The following TEAD4 variants were observed in gnomAD, a reference collection of about 807,000 sequenced individuals.
TEAD4 encodes transcriptional enhancer factor TEF-3.
In TEAD4, 36 loss-of-function variants were observed where a neutral mutation model predicts 52.4. That is an observed-to-expected ratio of 0.69 (90% CI 0.53 to 0.91). The LOEUF (loss-of-function observed/expected upper bound fraction) is 0.91, where lower values mean the gene tolerates loss of function less well. Among genes scored for constraint, TEAD4 ranks in the 40% least tolerant of loss-of-function variants. The pLI, the probability that TEAD4 is intolerant of heterozygous loss-of-function variation, is 0.00. For missense variants in TEAD4, 508 were observed against 583.9 expected (o/e 0.87, Z 1.34); for synonymous variants, 220 against 231.0 (o/e 0.95, Z 0.43).
At chr12:3,013,863 T>C (rs573968881) in intron 5 of TEAD4, among the ~76,000 whole-genome samples, 2 of 152,280 alleles carry the variant, frequency 1.3e-5, no homozygotes, top group South Asian at 4.2e-4. Context: ...CTGGGCAACA[T>C]TGTGAGACCC....
At chr12:3,035,087 C>G (rs1265568053) in intron 10 of TEAD4, among the ~76,000 whole-genome samples, 1 of 149,704 alleles carries the variant, frequency 6.7e-6, no homozygotes, top group East Asian at 2.0e-4. Context: ...GGCGACAGAG[C>G]GAGATTCCGT....
intron 2 of TEAD4, among the ~76,000 whole-genome samples, chr12:2,964,865 G>C (rs1157006997): frequency 6.6e-6 from 1 of 152,034 alleles, no homozygotes; most frequent in Non-Finnish European, 1.5e-5. Flanking sequence ...TCTTTGTAAG[G>C]GTCGACCAGA....
chr12:3,034,214 G>A (rs549962973), intron 10 of TEAD4, among the ~76,000 whole-genome samples: 1 of 152,236 alleles, frequency 6.6e-6, no homozygotes, highest in Non-Finnish European at 1.5e-5. Context: ...GCCAGGGAGT[G>A]GGAGCTGATG....
At chr12:2,986,443 G>A (rs1397883913) in intron 2 of TEAD4, among the ~76,000 whole-genome samples, 4 of 151,962 alleles carry the variant, frequency 2.6e-5, no homozygotes, top group African/African-American at 9.7e-5. Context: ...TTCGAGACCA[G>A]CCTGGCCAAC....
chr12:3,026,645 G>A lies in TEAD4; in HGVS notation c.897+4628G>A, dbSNP rs1335946173. ...GGAACCCGGGAAAGGTACTTTTTTAGTTGGGTAAGTTGCTGTTCTGAATAA... is the reference window on the plus strand; with the variant it reads ...GGAACCCGGGAAAGGTACTTTTTTAATTGGGTAAGTTGCTGTTCTGAATAA... On this transcript the variant is annotated intron_variant, in intron 10 of 12. Coordinates refer to ENST00000359864, the MANE Select transcript of TEAD4 (RefSeq NM_003213.4). Among the ~76,000 whole-genome samples the A allele has an allele frequency of 2.0e-5, 3 of 152,332 alleles. No homozygotes were observed. In the East Asian group the frequency reaches 5.8e-4, roughly 29 times the overall value.
At chr12:3,007,148 A>T (rs1470076971) in intron 3 of TEAD4, among the ~76,000 whole-genome samples, 1 of 152,132 alleles carries the variant, frequency 6.6e-6, no homozygotes, top group African/African-American at 2.4e-5. Flanking sequence ...GAGCCCTGGA[A>T]CCTTGTGGCA....
chr12:2,963,399 G>A (rs1216171900), intron 2 of TEAD4, among the ~76,000 whole-genome samples: 4 of 152,192 alleles, frequency 2.6e-5, no homozygotes, highest in Admixed American at 2.0e-4. Context: ...TTGTGAGGGT[G>A]GCTTTACCTT....
intron 5 of TEAD4, 116 bp downstream of exon 5, chr12:3,012,348 G>T: frequency 8.7e-7 from 1 of 1,152,456 alleles, no homozygotes; most frequent in Non-Finnish European, 1.2e-6. Flanking sequence ...TTTTCTCTCT[G>T]TTGAGGAGAG....
intron 10 of TEAD4, among the ~76,000 whole-genome samples, chr12:3,029,228 G>A (rs2098273917): frequency 8.3e-6 from 1 of 120,622 alleles, no homozygotes; most frequent in East Asian, 2.5e-4. Context: ...TACTACGCCT[G>A]GCCAATTTTT....
At chr12:3,026,428 C>G (rs1343321205) in intron 10 of TEAD4, among the ~76,000 whole-genome samples, 2 of 152,214 alleles carry the variant, frequency 1.3e-5, no homozygotes, top group Non-Finnish European at 2.9e-5. Flanking sequence ...CCCAGTGCTC[C>G]TGACATCATG....
At chr12:2,963,160 G>C (rs1027093813) in intron 2 of TEAD4, among the ~76,000 whole-genome samples, 1 of 152,220 alleles carries the variant, frequency 6.6e-6, no homozygotes, top group South Asian at 2.1e-4. Context: ...GAGCCGGCAG[G>C]TGAAGGTTCT....
chr12:2,973,579 C>T (rs2098226992), intron 2 of TEAD4, among the ~76,000 whole-genome samples: 2 of 152,138 alleles, frequency 1.3e-5, no homozygotes, highest in Non-Finnish European at 2.9e-5. Flanking sequence ...TGGGGTACAC[C>T]TAGAGAATGA....
rs1036913084 is a variant in TEAD4, at chr12:2,994,758, A to G, written c.-9A>G. On this transcript the variant is annotated 5_prime_UTR_variant, in exon 3 of 13. Coordinates refer to ENST00000359864, the MANE Select transcript of TEAD4 (RefSeq NM_003213.4). The surrounding 1 kb of genome is among the most constrained non-coding windows in gnomAD (Gnocchi z 4.7). ...CACAGGTCCAACGAGCGCTCCTCCAAGCGGAGCCTTGGAGGGCACGGCCGG... is the reference window on the plus strand; with the variant it reads ...CACAGGTCCAACGAGCGCTCCTCCAGGCGGAGCCTTGGAGGGCACGGCCGG... 4.4e-6 allele frequency: 7 copies of G among 1,600,870 alleles called. No homozygotes were observed. The highest frequency in any genetic ancestry group is 6.0e-6 in the Non-Finnish European group (7 of 1,173,190).
chr12:2,962,965 C>G (rs1758531360), intron 2 of TEAD4, among the ~76,000 whole-genome samples: 1 of 152,214 alleles, frequency 6.6e-6, no homozygotes, highest in South Asian at 2.1e-4. Context: ...GGCGCGGAAG[C>G]TGGAGCAGAC....
At chr12:3,004,409 T>C (rs1190640398) in intron 3 of TEAD4, among the ~76,000 whole-genome samples, 1 of 152,168 alleles carries the variant, frequency 6.6e-6, no homozygotes, top group Non-Finnish European at 1.5e-5. Context: ...TTCCATTTCA[T>C]CTTCATCAGG....
At chr12:2,976,347 A>G (rs1224773678) in intron 2 of TEAD4, among the ~76,000 whole-genome samples, 1 of 42,348 alleles carries the variant, frequency 2.4e-5, no homozygotes, top group Middle Eastern at 0.022. Flanking sequence ...GAATAGTATT[A>G]CACCCTGCCC....
intron 2 of TEAD4, among the ~76,000 whole-genome samples, chr12:2,969,515 A>G (rs1049300557): frequency 7.9e-5 from 12 of 152,196 alleles, no homozygotes; most frequent in African/African-American, 2.9e-4. Context: ...TGCATGGGAA[A>G]GGACTAGGTC....
rs534097650 is a variant in TEAD4 at position 3,022,435 on chromosome 12, G to A, written c.897+418G>A. 1.4e-4 allele frequency among the ~76,000 whole-genome samples: 22 copies of A among 152,292 alleles called. No individual in the cohort carries two copies. In the South Asian group the frequency reaches 3.7e-3, roughly 26 times the overall value. On this transcript the variant is annotated intron_variant, in intron 10 of 12. Coordinates refer to ENST00000359864, the MANE Select transcript of TEAD4 (RefSeq NM_003213.4). ...GCCTGGAGCTGGTCCTTCGGTGCTC[G>A]CGTCCAAGGCATGTTGGGCTGAACA...
chr12:2,968,835 A>G (rs1300145360), intron 2 of TEAD4, among the ~76,000 whole-genome samples: 2 of 151,734 alleles, frequency 1.3e-5, no homozygotes, highest in Non-Finnish European at 2.9e-5. Flanking sequence ...CTTTTTGTAG[A>G]AACAAGGTCT....
Sources: gnomAD v4.1 joint callset for allele counts (sites outside exome capture counted in the v4.1 genomes callset) on GRCh38, gnomAD v4.1.1 for gene constraint, Gnocchi (gnomAD v3.1) non-coding constraint, MANE v1.5 for transcripts, NCBI Gene and HGNC (gene_info 2026-07-23, HGNC 2026-07-21) for gene names.